The following FOXP1 variants were observed in gnomAD, a reference collection of about 807,000 sequenced individuals.
FOXP1 encodes the protein forkhead box protein P1.
A neutral mutation model predicts 98.2 loss-of-function variants in FOXP1; 15 were observed. The observed-to-expected ratio is 0.15, with a 90% CI of 0.10 to 0.24. FOXP1 has a LOEUF of 0.24. FOXP1 is among the 10% of genes least tolerant of loss of function. The pLI is 1.00. For missense variants in FOXP1, 633 were observed against 848.5 expected (o/e 0.75, Z 3.15); for synonymous variants, 371 against 314.5 (o/e 1.18, Z -1.90).
At chr3:71,093,654 A>G (rs2056145373) in intron 7 of FOXP1, among the ~76,000 whole-genome samples, 1 of 151,608 alleles carries the variant, frequency 6.6e-6, no homozygotes, top group Non-Finnish European at 1.5e-5. Flanking sequence ...TCGGTACACT[A>G]CAGGCACATA....
chr3:71,331,088 A>G (rs1259875670), intron 4 of FOXP1, among the ~76,000 whole-genome samples: 2 of 152,216 alleles, frequency 1.3e-5, no homozygotes, highest in Admixed American at 1.3e-4. Flanking sequence ...TTTCTGGGCT[A>G]GCCAAGGCCG....
intron 7 of FOXP1, among the ~76,000 whole-genome samples, chr3:71,098,257 C>A (rs1440531757): frequency 6.6e-6 from 1 of 152,196 alleles, no homozygotes; most frequent in Non-Finnish European, 1.5e-5. Flanking sequence ...CTTCATTGAA[C>A]GTAATCTTGA....
In FOXP1 at chr3:71,108,937, C is replaced by T. The variant is rs566820499; in HGVS notation, c.282+3599G>A. 5.3e-5 allele frequency among the ~76,000 whole-genome samples: 8 copies of T among 152,336 alleles called. No homozygotes were observed. In the South Asian group the frequency reaches 1.7e-3, roughly 32 times the overall value. Reference sequence around the variant, plus strand: ...AGCCTGCTTTGGAAATGTTCACCAACTTGCACTTAATTAATTCAGATCATT... The same window carrying T: ...AGCCTGCTTTGGAAATGTTCACCAATTTGCACTTAATTAATTCAGATCATT... On this transcript the variant is annotated intron_variant, in intron 7 of 20. Transcript: ENST00000649528.
intron 3 of FOXP1, among the ~76,000 whole-genome samples, chr3:71,430,464 G>C (rs2084605469): frequency 6.6e-6 from 1 of 151,554 alleles, no homozygotes; most frequent in South Asian, 2.1e-4. Flanking sequence ...CTTGGGTTTT[G>C]ATGCTTGTCT....
chr3:71,525,423 C>T (rs921624236), intron 2 of FOXP1, among the ~76,000 whole-genome samples: 2 of 152,198 alleles, frequency 1.3e-5, no homozygotes, highest in Non-Finnish European at 2.9e-5. Context: ...GCTGGGCAAT[C>T]GCTGAGAGAA....
chr3:71,199,259 C>T (rs1209572273), intron 5 of FOXP1, among the ~76,000 whole-genome samples: 2 of 151,990 alleles, frequency 1.3e-5, no homozygotes, highest in Non-Finnish European at 2.9e-5. Flanking sequence ...TGCCCACCAC[C>T]AGGCCCAGCT....
intron 19 of FOXP1, among the ~76,000 whole-genome samples, chr3:70,967,700 G>GTTTTTGTTTTTTTTTTTT (rs2035203703): frequency 7.9e-5 from 5 of 63,628 alleles, no homozygotes; most frequent in African/African-American, 2.7e-4. Flanking sequence ...TTTTTTTTTT[G>GTTTTTGTTTTTTTTTTTT]TTTTTTTTTG....
intron 6 of FOXP1, among the ~76,000 whole-genome samples, chr3:71,166,790 C>T (rs187313074): frequency 6.6e-6 from 1 of 151,974 alleles, no homozygotes; most frequent in African/African-American, 2.4e-5. Context: ...CTTAAAAAAA[C>T]AAAAAGCAAA....
rs147880135 is a variant in FOXP1 at position 71,009,667 on chromosome 3, G to C, written c.974+5882C>G. ...ATCCTTGAAAAATAAATATATCTAA[G>C]TAGGTTAAGAAGTTCTAACGCTTTT... On this transcript the variant is annotated intron_variant, in intron 12 of 20. Coordinates refer to ENST00000649528, the MANE Select transcript of FOXP1 (RefSeq NM_001349338.3). Among the ~76,000 whole-genome samples, 917 of 152,234 alleles carry C rather than the reference G, an allele frequency of 6.0e-3. 9 individuals carry two copies. Among genetic ancestry groups the C allele is most frequent in the African/African-American group, 0.019 (797 of 41,536 alleles).
chr3:71,558,268 G>A (rs899855937), intron 2 of FOXP1, among the ~76,000 whole-genome samples: 12 of 152,046 alleles, frequency 7.9e-5, no homozygotes, highest in East Asian at 1.9e-4. Flanking sequence ...CCTCTGACTC[G>A]GACGTGCCCC....
At chr3:71,044,900 A>G (rs918582727) in intron 10 of FOXP1, among the ~76,000 whole-genome samples, 1 of 152,184 alleles carries the variant, frequency 6.6e-6, no homozygotes, top group African/African-American at 2.4e-5. Context: ...ACCATGTTCA[A>G]GCAAGCAGAA....
At chr3:71,529,851 T>C (rs896397409) in intron 2 of FOXP1, among the ~76,000 whole-genome samples, 18 of 152,316 alleles carry the variant, frequency 1.2e-4, no homozygotes, top group Admixed American at 9.8e-4. Flanking sequence ...CACAATACTG[T>C]TTCCAATAAA....
intron 6 of FOXP1, among the ~76,000 whole-genome samples, chr3:71,169,148 G>C (rs2061525649): frequency 6.6e-6 from 1 of 152,190 alleles, no homozygotes; most frequent in Non-Finnish European, 1.5e-5. Flanking sequence ...ACTATCAACA[G>C]CTGTATTTGA....
rs113927615 is a variant in FOXP1, at chr3:71,556,850, G to A, written c.-298+24699C>T. On this transcript the variant is annotated intron_variant, in intron 2 of 20. Coordinates refer to ENST00000649528, the MANE Select transcript of FOXP1 (RefSeq NM_001349338.3). ...AAATGTATGTACTACAATGTTCACT[G>A]CAATATTATTTATTTCAGCAAAAGA... 3.8e-3 allele frequency among the ~76,000 whole-genome samples: 584 copies of A among 152,054 alleles called. 3 individuals carry two copies. The highest frequency in any genetic ancestry group is 0.014 in the African/African-American group (561 of 41,460).
chr3:70,963,038 C>T (rs149962135), intron 20 of FOXP1, among the ~76,000 whole-genome samples: 7 of 152,236 alleles, frequency 4.6e-5, no homozygotes, highest in East Asian at 3.9e-4. Flanking sequence ...TATGTAGTTA[C>T]GAGGTATCAA....
chr3:71,478,927 G>T (rs9854068), intron 3 of FOXP1, among the ~76,000 whole-genome samples: 17 of 152,012 alleles, frequency 1.1e-4, no homozygotes, highest in South Asian at 4.1e-4. Context: ...TGAAAGGAGG[G>T]GGGGAGGGAA....
chr3:71,034,654 G>C (rs999051328), intron 11 of FOXP1, among the ~76,000 whole-genome samples: 4 of 152,194 alleles, frequency 2.6e-5, no homozygotes, highest in African/African-American at 9.7e-5. Flanking sequence ...ATAAATGTTA[G>C]CTGCATTCTC....
At chr3:71,548,061 G>C (rs1484676406) in intron 2 of FOXP1, among the ~76,000 whole-genome samples, 1 of 152,176 alleles carries the variant, frequency 6.6e-6, no homozygotes, top group South Asian at 2.1e-4. Context: ...TTCCTCTTTG[G>C]CTGGGGCCTC....
intron 5 of FOXP1, among the ~76,000 whole-genome samples, chr3:71,284,089 A>G (rs1288231366): frequency 6.6e-6 from 1 of 152,202 alleles, no homozygotes; most frequent in Non-Finnish European, 1.5e-5. Context: ...TTTTTCTCCT[A>G]TGATTAAACA....
Sources: gnomAD v4.1 joint callset for allele counts (sites outside exome capture counted in the v4.1 genomes callset) on GRCh38, gnomAD v4.1.1 for gene constraint, MANE v1.5 for transcripts, NCBI Gene and HGNC (gene_info 2026-07-23, HGNC 2026-07-21) for gene names.